ST6GALNAC3: variants seen among roughly 807,000 people sequenced by gnomAD.
The protein encoded by ST6GALNAC3 is alpha-N-acetylgalactosaminide alpha-2,6-sialyltransferase 3.
A neutral mutation model predicts 32.7 loss-of-function variants in ST6GALNAC3; 25 were observed. That is an observed-to-expected ratio of 0.76 (90% CI 0.56 to 1.07). ST6GALNAC3 has a LOEUF of 1.07. ST6GALNAC3 is among the 50% of genes least tolerant of loss of function. The probability of loss-of-function intolerance (pLI) is 0.00; values close to 1 mark genes in which losing one functional copy is unlikely to be tolerated. For synonymous variants in ST6GALNAC3, 129 were observed against 133.1 expected (o/e 0.97, Z 0.21); for missense variants, 355 against 382.4 (o/e 0.93, Z 0.60).
Position 76,397,439 on chromosome 1 carries a change from A to G in ST6GALNAC3, c.214-14569A>G, listed in dbSNP as rs914935312. 2.8e-5 allele frequency among the ~76,000 whole-genome samples: 4 copies of G among 141,058 alleles called. No homozygotes were observed. In the East Asian group the frequency reaches 8.1e-4, roughly 29 times the overall value. The allele number at this position is 141,058 out of a possible 152,430, so 92.5% of individuals were successfully genotyped here. A position where few individuals can be genotyped will look rare whatever the true frequency, so the allele number is the denominator to read the frequency against. ...CAGGCTGGAGTGCAATGGCGATCTC[A>G]GCCCACTGCAACCTCCGCCTCCTTG... On this transcript the variant is annotated intron_variant, in intron 2 of 4. Coordinates refer to ENST00000328299, the MANE Select transcript of ST6GALNAC3 (RefSeq NM_152996.4).
chr1:76,595,873 G>A (rs1647128696), intron 3 of ST6GALNAC3, among the ~76,000 whole-genome samples: 1 of 152,000 alleles, frequency 6.6e-6, no homozygotes, highest in Non-Finnish European at 1.5e-5. Context: ...GGGCAATGGG[G>A]GTGTCCTGTA....
At chr1:76,336,904 T>G (rs1647523385) in intron 2 of ST6GALNAC3, among the ~76,000 whole-genome samples, 1 of 152,182 alleles carries the variant, frequency 6.6e-6, no homozygotes, top group African/African-American at 2.4e-5. Context: ...TTGCTCCCCC[T>G]CCTCATTGGG....
intron 1 of ST6GALNAC3, among the ~76,000 whole-genome samples, chr1:76,286,532 C>A (rs1368769790): frequency 1.3e-5 from 2 of 152,180 alleles, no homozygotes; most frequent in African/African-American, 4.8e-5. Flanking sequence ...CTTTATTTTT[C>A]CATGTTCCTG....
At chr1:76,313,301 A>T (rs1646803147) in intron 1 of ST6GALNAC3, among the ~76,000 whole-genome samples, 1 of 152,174 alleles carries the variant, frequency 6.6e-6, no homozygotes, top group Non-Finnish European at 1.5e-5. Context: ...AAGATGACAC[A>T]GTACATTCCA....
intron 1 of ST6GALNAC3, among the ~76,000 whole-genome samples, chr1:76,162,857 G>A (rs1314032355): frequency 6.6e-6 from 1 of 152,196 alleles, no homozygotes; most frequent in Non-Finnish European, 1.5e-5. Flanking sequence ...ACAGGATGTA[G>A]TATTAAAGGT....
chr1:76,163,552 G>C (rs1651937674), intron 1 of ST6GALNAC3, among the ~76,000 whole-genome samples: 1 of 152,144 alleles, frequency 6.6e-6, no homozygotes, highest in Non-Finnish European at 1.5e-5. Flanking sequence ...TTCATTTACT[G>C]TAAGACTCAT....
At chr1:76,585,617 GC>G (rs1385819604) in intron 3 of ST6GALNAC3, among the ~76,000 whole-genome samples, 8 of 152,038 alleles carry the variant, frequency 5.3e-5, no homozygotes, top group East Asian at 3.9e-4. Flanking sequence ...ACAGTTGAGG[GC>G]CCAGGAATAA....
chr1:76,080,806 C>T (rs1348584589), intron 1 of ST6GALNAC3, among the ~76,000 whole-genome samples: 2 of 152,122 alleles, frequency 1.3e-5, no homozygotes, highest in Non-Finnish European at 2.9e-5. Flanking sequence ...ATAACCCTGG[C>T]AAGTAGACAA....
chr1:76,304,048 C>CT (rs138229658), intron 1 of ST6GALNAC3, among the ~76,000 whole-genome samples: 14 of 151,968 alleles, frequency 9.2e-5, no homozygotes, highest in African/African-American at 2.7e-4. Flanking sequence ...AGAAAATTGC[C>CT]TTTTTTCTTT....
At chr1:76,105,524 A>G (rs1005352365) in intron 1 of ST6GALNAC3, among the ~76,000 whole-genome samples, 1 of 135,598 alleles carries the variant, frequency 7.4e-6, no homozygotes, top group African/African-American at 3.1e-5. Context: ...ACAGAGGTGC[A>G]TGGGAGAGTT....
At chr1:76,356,204 G>A (rs1308342542) in intron 2 of ST6GALNAC3, among the ~76,000 whole-genome samples, 5 of 151,822 alleles carry the variant, frequency 3.3e-5, no homozygotes, top group Non-Finnish European at 7.4e-5. Flanking sequence ...AAATTATTTG[G>A]ATTGTATCTC....
chr1:76,552,588 T>C (rs1473555815), intron 3 of ST6GALNAC3, among the ~76,000 whole-genome samples: 2 of 152,198 alleles, frequency 1.3e-5, no homozygotes, highest in Non-Finnish European at 2.9e-5. Flanking sequence ...ACCTTTATGT[T>C]GATCATGTAT....
chr1:76,249,604 A>G (rs977810333), intron 1 of ST6GALNAC3, among the ~76,000 whole-genome samples: 22 of 152,068 alleles, frequency 1.4e-4, no homozygotes, highest in African/African-American at 5.3e-4. Flanking sequence ...TTGTGTATAT[A>G]TGTGTCTTTA....
At chr1:76,551,641 A>G (rs924572206) in intron 3 of ST6GALNAC3, among the ~76,000 whole-genome samples, 2 of 152,206 alleles carry the variant, frequency 1.3e-5, no homozygotes, top group South Asian at 2.1e-4. Flanking sequence ...TGGAGTATCC[A>G]TCACCTAGAA....
chr1:76,148,637 G>C (rs1650845240), intron 1 of ST6GALNAC3, among the ~76,000 whole-genome samples: 1 of 152,010 alleles, frequency 6.6e-6, no homozygotes, highest in South Asian at 2.1e-4. Context: ...ACATATGAAG[G>C]CTGCTGACAC....
chr1:76,320,816 T>C (rs917575095), intron 2 of ST6GALNAC3, among the ~76,000 whole-genome samples: 9 of 152,088 alleles, frequency 5.9e-5, no homozygotes. Context: ...CATGTATGCA[T>C]GCATGCAGCA....
chr1:76,419,781 G>C (rs542425686), intron 3 of ST6GALNAC3, among the ~76,000 whole-genome samples: 1 of 152,072 alleles, frequency 6.6e-6, no homozygotes, highest in South Asian at 2.1e-4. Flanking sequence ...ACCTTTCACT[G>C]TGTCTGGGAT....
At chr1:76,207,179 C>T (rs904500853) in intron 1 of ST6GALNAC3, among the ~76,000 whole-genome samples, 5 of 152,186 alleles carry the variant, frequency 3.3e-5, no homozygotes, top group Non-Finnish European at 5.9e-5. Flanking sequence ...TAGGTGTTAA[C>T]CCCATTTTAC....
At chr1:76,204,991 G>T (rs923619037) in intron 1 of ST6GALNAC3, among the ~76,000 whole-genome samples, 1 of 152,162 alleles carries the variant, frequency 6.6e-6, no homozygotes, top group Non-Finnish European at 1.5e-5. Context: ...GTAAATGTCA[G>T]CAATTCTATA....
Sources: gnomAD v4.1 joint callset for allele counts (sites outside exome capture counted in the v4.1 genomes callset) on GRCh38, gnomAD v4.1.1 for gene constraint, MANE v1.5 for transcripts, NCBI Gene and HGNC (gene_info 2026-07-23, HGNC 2026-07-21) for gene names.